The following PMEPA1 variants were observed in gnomAD, a reference collection of about 807,000 sequenced individuals.
The protein encoded by PMEPA1 is protein TMEPAI.
Under a neutral mutation model 23.0 loss-of-function variants are expected in PMEPA1, and 11 were observed. The ratio of observed to expected loss-of-function variants is 0.48; its 90% confidence interval spans 0.30 to 0.79. PMEPA1 has a LOEUF of 0.79. Among genes scored for constraint, PMEPA1 ranks in the 30% least tolerant of loss-of-function variants. The pLI is 0.06. For missense variants in PMEPA1, 377 were observed against 390.9 expected (o/e 0.96, Z 0.30); for synonymous variants, 204 against 166.4 (o/e 1.23, Z -1.74).
At position 57,704,770 on chromosome 20, in the gene PMEPA1, T is replaced by C. The variant is rs2072055286; in HGVS notation, c.109+4704A>G. Reference sequence around the variant, plus strand: ...CCCTGGGCCACGATGGGAGTGGAGATGGTGGGGGCAGGCATGTGGGCACAC... The same window carrying C: ...CCCTGGGCCACGATGGGAGTGGAGACGGTGGGGGCAGGCATGTGGGCACAC... On this transcript the variant is annotated intron_variant, in intron 1 of 3. Coordinates refer to ENST00000341744, the MANE Select transcript of PMEPA1 (RefSeq NM_020182.5). This position sits in a 1 kb window ranked among gnomAD's most constrained non-coding sequence, Gnocchi z 4.6. 6.6e-6 allele frequency among the ~76,000 whole-genome samples: 1 copy of C among 152,084 alleles called. No individual in the cohort carries two copies. The highest frequency in any genetic ancestry group is 1.5e-5 in the Non-Finnish European group (1 of 67,996).
At chr20:57,665,169 A>AC (rs2071475298) in intron 1 of PMEPA1, among the ~76,000 whole-genome samples, 2 of 151,886 alleles carry the variant, frequency 1.3e-5, no homozygotes, top group African/African-American at 4.8e-5. Flanking sequence ...CTAACACATG[A>AC]CCCGGGGCCA....
At chr20:57,685,381 A>G (rs995781726) in intron 1 of PMEPA1, among the ~76,000 whole-genome samples, 14 of 152,160 alleles carry the variant, frequency 9.2e-5, no homozygotes, top group African/African-American at 3.4e-4. Context: ...AATGAATTCA[A>G]CCTTGTCAGA....
intron 2 of PMEPA1, among the ~76,000 whole-genome samples, chr20:57,653,498 A>C (rs905652212): frequency 2.0e-5 from 3 of 152,188 alleles, no homozygotes; most frequent in African/African-American, 7.2e-5. Context: ...GCGTCAAGTT[A>C]CTTAATTTCA....
intron 1 of PMEPA1, among the ~76,000 whole-genome samples, chr20:57,708,659 T>C (rs938356855): frequency 6.6e-6 from 1 of 152,090 alleles, no homozygotes; most frequent in African/African-American, 2.4e-5. Flanking sequence ...AGGCTATTTA[T>C]AGGTGCGTCG....
intron 1 of PMEPA1, among the ~76,000 whole-genome samples, chr20:57,706,251 C>G (rs1465878781): frequency 6.6e-6 from 1 of 152,188 alleles, no homozygotes; most frequent in African/African-American, 2.4e-5. Context: ...TAGCATCCAT[C>G]TGGGCCCCAG....
intron 1 of PMEPA1, among the ~76,000 whole-genome samples, chr20:57,691,529 T>C (rs2071881962): frequency 6.6e-6 from 1 of 152,116 alleles, no homozygotes; most frequent in African/African-American, 2.4e-5. Flanking sequence ...GCACCGCTCC[T>C]CTCCCCTGAG....
At position 57,650,205 on chromosome 20, in the gene PMEPA1, T is replaced by C. The variant is rs969544310; in HGVS notation, c.*1848A>G. On this transcript the variant is annotated 3_prime_UTR_variant, in exon 4 of 4. Transcript: ENST00000341744. ...TCAAAACTGTGCTCAGGTTTTTGTT[T>C]TGGAAGTTATAAAAAAGTTGCTCAC... 5.9e-5 allele frequency: 9 copies of C among 152,334 alleles called. No homozygotes were observed. The highest frequency in any genetic ancestry group is 2.2e-4 in the African/African-American group (9 of 41,578). 9.4% of individuals were successfully genotyped at this position (152,334 alleles called of 1,614,324 possible).
intron 1 of PMEPA1, among the ~76,000 whole-genome samples, chr20:57,695,150 A>G (rs2071929251): frequency 6.6e-6 from 1 of 152,262 alleles, no homozygotes; most frequent in Non-Finnish European, 1.5e-5. Flanking sequence ...CACCTCCCCA[A>G]GACATGATTC....
chr20:57,692,745 T>C (rs1319244079), intron 1 of PMEPA1, among the ~76,000 whole-genome samples: 1 of 152,198 alleles, frequency 6.6e-6, no homozygotes, highest in South Asian at 2.1e-4. Context: ...CACCTCCTCT[T>C]GCCTGGATAC....
intron 1 of PMEPA1, among the ~76,000 whole-genome samples, chr20:57,687,814 C>G (rs2071820920): frequency 6.6e-6 from 1 of 152,180 alleles, no homozygotes; most frequent in Non-Finnish European, 1.5e-5. Flanking sequence ...CTCAGCCTGC[C>G]CTTCTCAACT....
At position 57,709,916 on chromosome 20, in the gene PMEPA1, T is replaced by TCCGCCGCCG. The variant is rs1035195930; in HGVS notation, c.-343_-335dup. On this transcript the variant is annotated 5_prime_UTR_variant, in exon 1 of 4. Coordinates refer to ENST00000341744, the MANE Select transcript of PMEPA1 (RefSeq NM_020182.5). ...CGCTAGCTTTCCCCAGCCGAGCGCC[T>TCCGCCGCCG]CCGCCGCCGCCGCCGCCGCCGCCTC... 5.4e-5 allele frequency: 54 copies of TCCGCCGCCG among 1,004,830 alleles called. No individual in the cohort carries two copies. The highest frequency in any genetic ancestry group is 4.4e-4 in the East Asian group (4 of 9,128). 62.2% of individuals were successfully genotyped at this position (1,004,830 alleles called of 1,614,324 possible).
In PMEPA1 at chr20:57,709,505, G is replaced by A; in HGVS notation, c.78C>T (p.Cys26=). The A allele has an allele frequency of 8.8e-7, 1 of 1,139,944 alleles. No homozygotes were observed. Among genetic ancestry groups the A allele is most frequent in the Non-Finnish European group, 1.1e-6 (1 of 910,824 alleles). 70.6% of individuals were successfully genotyped at this position (1,139,944 alleles called of 1,614,324 possible). ...GQPNVSCTCN[C]KRSLFQSMEI... is the part of the protein sequence containing the mutation. ...CCATGCTCTGGAACAAAGAGCGTTT[G>A]CAGTTGCACGTGCAGGAGACATTGG... The change falls in exon 1 of 4, where the codon TGC becomes TGT. Residue 26 remains cysteine (C), a synonymous_variant. Transcript: ENST00000341744.
intron 2 of PMEPA1, among the ~76,000 whole-genome samples, chr20:57,658,809 G>A (rs73302924): frequency 0.013 from 1,973 of 152,292 alleles, 26 homozygotes; most frequent in African/African-American, 0.03. Context: ...GCACGGGCAC[G>A]AGGGCAGGGC....
intron 1 of PMEPA1, among the ~76,000 whole-genome samples, chr20:57,671,327 TGAG>T (rs2071565097): frequency 6.6e-6 from 1 of 152,058 alleles, no homozygotes; most frequent in South Asian, 2.1e-4. Context: ...GTTTGTTAAT[TGAG>T]GAGAGTGGAC....
In PMEPA1 at chr20:57,704,656, C is replaced by T. The variant is rs547779598; in HGVS notation, c.109+4818G>A. Among the ~76,000 whole-genome samples the T allele has an allele frequency of 1.3e-3, 205 of 152,350 alleles. 1 individual carries two copies. The highest frequency in any genetic ancestry group is 2.5e-3 in the Non-Finnish European group (172 of 68,026). On this transcript the variant is annotated intron_variant, in intron 1 of 3. Coordinates refer to ENST00000341744, the MANE Select transcript of PMEPA1 (RefSeq NM_020182.5). The surrounding 1 kb of genome is among the most constrained non-coding windows in gnomAD (Gnocchi z 4.6). ...GAAGAGAGAAGGCCACACCGATCCT[C>T]AGGTTTGGACCCTGCCACCAGCACC...
chr20:57,696,064 C>A (rs2071939391), intron 1 of PMEPA1, among the ~76,000 whole-genome samples: 1 of 152,214 alleles, frequency 6.6e-6, no homozygotes, highest in Admixed American at 6.5e-5. Context: ...TTTCTCCCTT[C>A]AGCTGCAACC....
intron 1 of PMEPA1, among the ~76,000 whole-genome samples, chr20:57,708,653 T>A (rs1036087666): frequency 6.6e-6 from 1 of 152,000 alleles, no homozygotes; most frequent in African/African-American, 2.4e-5. Flanking sequence ...AGACAGAGGC[T>A]ATTTATAGGT....
chr20:57,698,487 A>C (rs778533024), intron 1 of PMEPA1, among the ~76,000 whole-genome samples: 12 of 152,224 alleles, frequency 7.9e-5, no homozygotes, highest in Non-Finnish European at 1.5e-4. Context: ...CTTCCGCAAG[A>C]CCAAACCTTT....
chr20:57,650,206 T>C lies in PMEPA1; in HGVS notation c.*1847A>G, dbSNP rs979183276. ...CAAAACTGTGCTCAGGTTTTTGTTT[T>C]GGAAGTTATAAAAAAGTTGCTCACA... On this transcript the variant is annotated 3_prime_UTR_variant, in exon 4 of 4. Transcript: ENST00000341744. 1.3e-5 allele frequency: 2 copies of C among 152,238 alleles called. No homozygotes were observed. Among genetic ancestry groups the C allele is most frequent in the Admixed American group, 6.5e-5 (1 of 15,282 alleles). The allele number at this position is 152,238 out of a possible 1,614,324, so 9.4% of individuals were successfully genotyped here. A position where few individuals can be genotyped will look rare whatever the true frequency, so the allele number is the denominator to read the frequency against.
Sources: allele counts gnomAD v4.1 joint callset (sites outside exome capture counted in the v4.1 genomes callset), GRCh38; gene constraint gnomAD v4.1.1; non-coding constraint Gnocchi (gnomAD v3.1); transcripts MANE v1.5; gene names NCBI Gene and HGNC (gene_info 2026-07-23, HGNC 2026-07-21).